The following DMD variants were observed in gnomAD, a reference collection of about 807,000 sequenced individuals.
DMD encodes the protein mutant dystrophin.
Under a neutral mutation model 330.1 loss-of-function variants are expected in DMD, and 63 were observed. The observed-to-expected ratio is 0.19, with a 90% CI of 0.16 to 0.24. The LOEUF is 0.24. Ranked by LOEUF, DMD falls within the 10% of genes least tolerant of loss-of-function variation. The pLI, the probability that DMD is intolerant of heterozygous loss-of-function variation, is 1.00. For synonymous variants in DMD, 1,223 were observed against 959.8 expected, an observed-to-expected ratio of 1.27 and a Z score of -5.07; for missense variants, 3,344 against 2,684.1, an observed-to-expected ratio of 1.25 and a Z score of -5.43.
At chrX:32,703,733 T>C (rs769817199) in intron 7 of DMD, among the ~76,000 whole-genome samples, 2 of 111,528 alleles carry the variant, frequency 1.8e-5, no homozygotes, top group African/African-American at 3.3e-5. Context: ...GTTAAAGTCA[T>C]AGAAATTGAT....
chrX:32,935,035 G>A (rs973848700), intron 2 of DMD, among the ~76,000 whole-genome samples: 2 of 113,176 alleles, frequency 1.8e-5, no homozygotes, highest in Admixed American at 9.2e-5. Flanking sequence ...CTGGAGCGCA[G>A]TGGCGCGATC....
At chrX:32,961,281 A>G (rs909920276) in intron 2 of DMD, among the ~76,000 whole-genome samples, 1 of 111,610 alleles carries the variant, frequency 9.0e-6, no homozygotes, top group Non-Finnish European at 1.9e-5. Flanking sequence ...AGTAGGAAAG[A>G]GTGCCTGGAA....
chrX:32,948,607 G>A (rs897394614), intron 2 of DMD, among the ~76,000 whole-genome samples: 1 of 111,719 alleles, frequency 9.0e-6, no homozygotes, highest in African/African-American at 3.3e-5. Context: ...ATGCATCTGC[G>A]GTGAACTTTG....
chrX:31,910,136 A>T (rs2094529096), intron 47 of DMD, among the ~76,000 whole-genome samples: 1 of 110,424 alleles, frequency 9.1e-6, no homozygotes. Flanking sequence ...AAAAAGATAG[A>T]ATGAAATGTC....
At chrX:33,173,551 A>G in intron 1 of DMD, among the ~76,000 whole-genome samples, 1 of 111,213 alleles carries the variant, frequency 9.0e-6, no homozygotes, top group Non-Finnish European at 1.9e-5. Flanking sequence ...TGTATTCATT[A>G]CTTTTGCTTC....
chrX:33,201,465 C>T lies in DMD; in HGVS notation c.31+9817G>A, dbSNP rs771564671. Among the ~76,000 whole-genome samples, 3 of 110,961 alleles carry T rather than the reference C, an allele frequency of 2.7e-5. No homozygotes were observed. In the South Asian group the frequency reaches 1.1e-3, roughly 42 times the overall value. On this transcript the variant is annotated intron_variant, in intron 1 of 78. Transcript: ENST00000357033. ...ATTTCTAATCATATATATGAGAATGCCAATGTTGACGTTATCGTACAGAGT... is the reference window on the plus strand; with the variant it reads ...ATTTCTAATCATATATATGAGAATGTCAATGTTGACGTTATCGTACAGAGT...
intron 51 of DMD, among the ~76,000 whole-genome samples, chrX:31,750,687 G>A (rs1310379390): frequency 7.4e-4 from 81 of 110,157 alleles, no homozygotes; most frequent in African/African-American, 2.6e-3. Flanking sequence ...ATTCAATTAG[G>A]AGAAGAGGAA....
At chrX:31,921,734 T>C (rs1028249560) in intron 47 of DMD, among the ~76,000 whole-genome samples, 9 of 112,174 alleles carry the variant, frequency 8.0e-5, no homozygotes, top group Non-Finnish European at 1.7e-4. Flanking sequence ...CCTGGGGAAG[T>C]GTCTTCTTTT....
chrX:32,898,591 C>A lies in DMD; in HGVS notation c.94-48771G>T, dbSNP rs771937593. ...TTTCAATTACATGTAAATTAAGTGG[C>A]AGATTAATGCAAATTGAGAGACAGG... On this transcript the variant is annotated intron_variant, in intron 2 of 78. Transcript: ENST00000357033. Among the ~76,000 whole-genome samples, 9 of 111,980 alleles carry A rather than the reference C, an allele frequency of 8.0e-5. No individual in the cohort carries two copies. The East Asian group carries it at 1.7e-3, about 21-fold the overall frequency.
At chrX:32,416,403 T>A (rs767402449) in intron 29 of DMD, among the ~76,000 whole-genome samples, 1 of 112,069 alleles carries the variant, frequency 8.9e-6, no homozygotes, top group African/African-American at 3.2e-5. Flanking sequence ...ATCATTGTAT[T>A]CATCATTGTG....
chrX:32,698,465 G>A (rs1396553515), intron 8 of DMD, among the ~76,000 whole-genome samples: 1 of 111,787 alleles, frequency 8.9e-6, no homozygotes, highest in African/African-American at 3.3e-5. Flanking sequence ...CAGCAGAAAT[G>A]TTGCTAAAGG....
At chrX:32,957,671 A>G (rs1474432123) in intron 2 of DMD, among the ~76,000 whole-genome samples, 2 of 112,016 alleles carry the variant, frequency 1.8e-5, no homozygotes, top group Non-Finnish European at 3.8e-5. Context: ...AGGGATAGGA[A>G]AGGAAAAAAA....
intron 2 of DMD, among the ~76,000 whole-genome samples, chrX:32,940,083 G>A (rs1360130659): frequency 9.0e-6 from 1 of 111,593 alleles, no homozygotes; most frequent in Non-Finnish European, 1.9e-5. Flanking sequence ...TAAGGAAAAA[G>A]AACAAAGCCA....
chrX:31,230,369 C>T (rs1569487886), intron 63 of DMD, among the ~76,000 whole-genome samples: 1 of 111,776 alleles, frequency 8.9e-6, no homozygotes, highest in Non-Finnish European at 1.9e-5. Flanking sequence ...AAGGAGAGGG[C>T]CAGGTGTGGT....
At chrX:31,499,489 CTTTT>C (rs774151183) in intron 56 of DMD, among the ~76,000 whole-genome samples, 2 of 83,677 alleles carry the variant, frequency 2.4e-5, no homozygotes, top group Admixed American at 1.4e-4. Flanking sequence ...GAATTCAGTT[CTTTT>C]TTTTTTTTTT....
At chrX:31,984,141 G>A (rs2095494928) in intron 44 of DMD, among the ~76,000 whole-genome samples, 2 of 111,944 alleles carry the variant, frequency 1.8e-5, no homozygotes, top group Non-Finnish European at 3.8e-5. Flanking sequence ...AAGATGATTC[G>A]ATACTCACTT....
At chrX:31,179,919 T>C (rs754695952) in intron 69 of DMD, among the ~76,000 whole-genome samples, 1 of 111,653 alleles carries the variant, frequency 9.0e-6, no homozygotes, top group Non-Finnish European at 1.9e-5. Flanking sequence ...TGTTAGCATA[T>C]AAAATGGATT....
chrX:32,210,777 C>T (rs1170854813), intron 44 of DMD, among the ~76,000 whole-genome samples: 1 of 111,481 alleles, frequency 9.0e-6, no homozygotes, highest in African/African-American at 3.3e-5. Context: ...AGTCAATGAC[C>T]TTTCAACGGC....
chrX:32,653,651 G>A (rs1480951611), intron 9 of DMD, among the ~76,000 whole-genome samples: 4 of 111,522 alleles, frequency 3.6e-5, no homozygotes, highest in Non-Finnish European at 7.5e-5. Flanking sequence ...GCTCTTTTTT[G>A]GTTCCATATG....
Sources: allele counts gnomAD v4.1 joint callset (sites outside exome capture counted in the v4.1 genomes callset), GRCh38; gene constraint gnomAD v4.1.1; transcripts MANE v1.5; gene names NCBI Gene and HGNC (gene_info 2026-07-23, HGNC 2026-07-21).